The following ANKRD62 variants were observed in gnomAD, a reference collection of about 807,000 sequenced individuals.
The protein encoded by ANKRD62 is ankyrin repeat domain 62, also known as ankyrin repeat domain-containing protein 62.
Under a neutral mutation model 98.8 loss-of-function variants are expected in ANKRD62, and 61 were observed. That is an observed-to-expected ratio of 0.62 (90% CI 0.50 to 0.76). The LOEUF is 0.76. ANKRD62 is among the 30% of genes least tolerant of loss of function. ANKRD62 has a pLI of 0.00. For missense variants in ANKRD62, 933 were observed against 1,082.9 expected (o/e 0.86, Z 1.94); for synonymous variants, 341 against 367.9 (o/e 0.93, Z 0.84).
downstream of ANKRD62, among the ~76,000 whole-genome samples, chr18:12,134,572 T>C (rs1910052633): frequency 6.6e-6 from 1 of 152,132 alleles, no homozygotes; most frequent in Non-Finnish European, 1.5e-5. Context: ...CCCCTTCCTG[T>C]GTCCAGGTGT....
At chr18:12,169,210 C>CCA in the ANKRD62 span, among the ~76,000 whole-genome samples, 7 of 150,682 alleles carry the variant, frequency 4.6e-5, no homozygotes, top group East Asian at 2.0e-4. Flanking sequence ...CTGTCTTGTG[C>CCA]GTTTTCAAAG....
the ANKRD62 span, among the ~76,000 whole-genome samples, chr18:12,160,237 G>A: frequency 0.21 from 31,664 of 152,136 alleles, 4,260 homozygotes; most frequent in East Asian, 0.54. Flanking sequence ...CATCAACAGC[G>A]TAAGGACTAG....
At chr18:12,098,199 C>T (rs527315121) in intron 5 of ANKRD62, among the ~76,000 whole-genome samples, 24 of 152,252 alleles carry the variant, frequency 1.6e-4, no homozygotes, top group Non-Finnish European at 2.8e-4. Flanking sequence ...CCATGTTGTC[C>T]GCAGTGGGCT....
chr18:12,095,099 C>G, intron 1 of ANKRD62, 72 bp from the exon 2 acceptor site: 1 of 1,062,346 alleles, frequency 9.4e-7, no homozygotes, highest in South Asian at 1.4e-5. Context: ...TGGATGTTTA[C>G]AATTGCATGC....
At chr18:12,120,136 G>A (rs886838689) in intron 10 of ANKRD62, among the ~76,000 whole-genome samples, 5 of 152,260 alleles carry the variant, frequency 3.3e-5, no homozygotes, top group African/African-American at 1.2e-4. Context: ...ATTTTGGCAA[G>A]TGTTCCATAG....
In ANKRD62 at chr18:12,115,068, T is replaced by C. The variant is rs541132973; in HGVS notation, c.1065-20T>C. On this transcript the variant is annotated intron_variant, in intron 8 of 13. Coordinates refer to ENST00000587848, the MANE Select transcript of ANKRD62 (RefSeq NM_001277333.2). ...ATATTTACTATTTGCCTGATTGGAATTTTTTGGTTTTTTTTTTAGGCTTGC... is the reference window on the plus strand; with the variant it reads ...ATATTTACTATTTGCCTGATTGGAACTTTTTGGTTTTTTTTTTAGGCTTGC... The C allele has an allele frequency of 3.6e-6, 5 of 1,395,012 alleles. No homozygotes were observed. In the African/African-American group the frequency reaches 4.4e-5, roughly 12 times the overall value. 86.4% of individuals were successfully genotyped at this position (1,395,012 alleles called of 1,614,324 possible). A position where few individuals can be genotyped will look rare whatever the true frequency, so the allele number is the denominator to read the frequency against.
chr18:12,109,409 G>A (rs1210208627), intron 8 of ANKRD62, among the ~76,000 whole-genome samples: 1 of 152,178 alleles, frequency 6.6e-6, no homozygotes, highest in Non-Finnish European at 1.5e-5. Context: ...TGGACCAGCT[G>A]GGATGCAGGG....
At chr18:12,174,811 A>G in the ANKRD62 span, among the ~76,000 whole-genome samples, 1 of 152,272 alleles carries the variant, frequency 6.6e-6, no homozygotes, top group Non-Finnish European at 1.5e-5. Flanking sequence ...ACTCTGGGGA[A>G]TTTGTATTGG....
intron 6 of ANKRD62, among the ~76,000 whole-genome samples, chr18:12,102,955 G>A (rs1408746408): frequency 2.0e-5 from 3 of 152,110 alleles, no homozygotes; most frequent in Non-Finnish European, 4.4e-5. Context: ...GTGACATCTG[G>A]TGTCTTGCCA....
the ANKRD62 span, among the ~76,000 whole-genome samples, chr18:12,138,437 A>G: frequency 2.6e-5 from 4 of 152,178 alleles, no homozygotes; most frequent in African/African-American, 7.2e-5. Flanking sequence ...CTGTTCTTTT[A>G]CATTTGCTGA....
chr18:12,139,753 G>A, the ANKRD62 span, among the ~76,000 whole-genome samples: 7 of 152,164 alleles, frequency 4.6e-5, no homozygotes, highest in African/African-American at 1.2e-4. Context: ...TGGGTAACCC[G>A]ACCTTTCTCT....
At chr18:12,154,843 T>C in the ANKRD62 span, among the ~76,000 whole-genome samples, 4 of 152,194 alleles carry the variant, frequency 2.6e-5, no homozygotes, top group Admixed American at 1.3e-4. Flanking sequence ...CTGGAGGCCA[T>C]TATCCTTAAC....
At chr18:12,098,728 G>A (rs947540133) in intron 5 of ANKRD62, among the ~76,000 whole-genome samples, 1 of 152,202 alleles carries the variant, frequency 6.6e-6, no homozygotes, top group African/African-American at 2.4e-5. Flanking sequence ...TTGTTAGTAT[G>A]TATCTCAGAA....
chr18:12,171,180 A>G, the ANKRD62 span, among the ~76,000 whole-genome samples: 2 of 152,190 alleles, frequency 1.3e-5, no homozygotes, highest in African/African-American at 4.8e-5. Flanking sequence ...TCCTGTCATT[A>G]TGATGTTAGC....
In ANKRD62 at chr18:12,128,458, A is replaced by G. The variant is rs1462635307; in HGVS notation, c.*519A>G. ...GGACAGTTAGCATTTGCCAACATGT[A>G]TGTGTCTACTTTCTCTTGCTTAAAA... On this transcript the variant is annotated 3_prime_UTR_variant, in exon 14 of 14. Transcript: ENST00000587848. 6.6e-6 allele frequency: 1 copy of G among 152,246 alleles called. No homozygotes were observed. The highest frequency in any genetic ancestry group is 2.4e-5 in the African/African-American group (1 of 41,436). The allele number at this position is 152,246 out of a possible 1,614,324, so 9.4% of individuals were successfully genotyped here.
chr18:12,141,121 G>A, the ANKRD62 span, among the ~76,000 whole-genome samples: 1 of 152,240 alleles, frequency 6.6e-6, no homozygotes, highest in Non-Finnish European at 1.5e-5. Context: ...CTAGCAATGA[G>A]CGAGGCTCTG....
intron 11 of ANKRD62, 146 bp from the exon 12 acceptor site, chr18:12,123,988 GTCT>G (rs1448792039): frequency 4.7e-6 from 2 of 421,876 alleles, no homozygotes; most frequent in Non-Finnish European, 8.3e-6. Context: ...CAATTTATAT[GTCT>G]TCTTTGGAAG....
At chr18:12,120,760 A>T (rs903230336) in intron 10 of ANKRD62, among the ~76,000 whole-genome samples, 1 of 151,788 alleles carries the variant, frequency 6.6e-6, no homozygotes, top group Non-Finnish European at 1.5e-5. Flanking sequence ...TTGATTTCAT[A>T]TTTCTTTTTT....
At chr18:12,160,039 TTC>T in the ANKRD62 span, among the ~76,000 whole-genome samples, 1,664 of 152,308 alleles carry the variant, frequency 0.011, 21 homozygotes, top group Middle Eastern at 0.054. Flanking sequence ...GTTTCAAATA[TTC>T]TGTTTTCTTA....
Sources: gnomAD v4.1 joint callset for allele counts (sites outside exome capture counted in the v4.1 genomes callset) on GRCh38, gnomAD v4.1.1 for gene constraint, MANE v1.5 for transcripts, NCBI Gene and HGNC (gene_info 2026-07-23, HGNC 2026-07-21) for gene names.